The following CYP4A22 variants were observed in gnomAD, a reference collection of about 807,000 sequenced individuals.
The protein encoded by CYP4A22 is cytochrome P450 4A22.
In CYP4A22, 46 loss-of-function variants were observed where a neutral mutation model predicts 56.2. The ratio of observed to expected loss-of-function variants is 0.82; its 90% CI spans 0.65 to 1.05. CYP4A22 has a LOEUF of 1.05. CYP4A22 is among the 50% of genes least tolerant of loss of function. The pLI, the probability that CYP4A22 is intolerant of heterozygous loss-of-function variation, is 0.00. For missense variants in CYP4A22, 541 were observed against 645.9 expected (o/e 0.84, Z 1.76); for synonymous variants, 193 against 251.1 (o/e 0.77, Z 2.19).
chr1:47,138,706 A>G (rs1416261174), intron 1 of CYP4A22, among the ~76,000 whole-genome samples: 3 of 152,250 alleles, frequency 2.0e-5, no homozygotes, highest in African/African-American at 7.2e-5. Flanking sequence ...TTTTCTTCCA[A>G]TGTGGCCTAG....
rs558639742 is a variant in CYP4A22 at position 47,148,704 on chromosome 1, C to A, written c.1467C>A (p.Ile489=). The change falls in exon 12 of 12, where the codon ATC becomes ATA. Residue 489 remains isoleucine (I), a synonymous_variant. Coordinates refer to ENST00000371891, the MANE Select transcript of CYP4A22 (RefSeq NM_001010969.4). ...ELLPDPTRIP[I]PMARLVLKSK... ...TGCCTGATCCCACCAGGATCCCCAT[C>A]CCCATGGCACGACTTGTGTTGAAAT... The A allele has an allele frequency of 1.9e-5, 31 of 1,614,108 alleles. No homozygotes were observed. The East Asian group carries it at 5.6e-4, about 29-fold the overall frequency.
At position 47,147,348 on chromosome 1, in the gene CYP4A22, T is replaced by C. The variant is rs1448838147; in HGVS notation, c.1364+1195T>C. ...ATTTTACTCTCAGTGTATTTCATTC[T>C]ATTTTATTCATTTTAAAACTTAAAT... is the stretch of plus-strand genomic sequence containing the variant. On this transcript the variant is annotated intron_variant, in intron 11 of 11. Transcript: ENST00000371891. 18 of 984,938 alleles carry C rather than the reference T, an allele frequency of 1.8e-5. No homozygotes were observed. The South Asian group carries it at 6.6e-4, about 36-fold the overall frequency. 61.0% of individuals were successfully genotyped at this position (984,938 alleles called of 1,614,324 possible).
At chr1:47,146,652 G>C (rs1645079559) in intron 11 of CYP4A22, 2 of 1,000,078 alleles carry the variant, frequency 2.0e-6, no homozygotes, top group Non-Finnish European at 2.4e-6. Flanking sequence ...CAGATGACCT[G>C]CAAGTCCTAC....
chr1:47,140,749 A>G (rs754676770), intron 1 of CYP4A22, 31 bp from the exon 2 acceptor site: 27 of 1,612,868 alleles, frequency 1.7e-5, no homozygotes, highest in Non-Finnish European at 2.3e-5. Flanking sequence ...GAAGTAAATG[A>G]AAGTGTTCAT....
intron 5 of CYP4A22, 148 bp downstream of exon 5, chr1:47,143,541 A>T: frequency 1.4e-6 from 2 of 1,478,494 alleles, no homozygotes; most frequent in Middle Eastern, 4.8e-4. Flanking sequence ...TCCAGACCAA[A>T]CAAAGTCTCA....
intron 1 of CYP4A22, among the ~76,000 whole-genome samples, chr1:47,138,132 A>T (rs1362482377): frequency 6.6e-6 from 1 of 152,204 alleles, no homozygotes; most frequent in Non-Finnish European, 1.5e-5. Context: ...TCTGTGAAGA[A>T]TACAGGCAGG....
rs1393286366 is a variant in CYP4A22, at chr1:47,141,697, G to C, written c.382+82G>C. Reference sequence around the variant, plus strand: ...TTGGCTCACAGAGAACAACAGATTAGAGGCCACCACTATCATGACCTCATC... The same window carrying C: ...TTGGCTCACAGAGAACAACAGATTACAGGCCACCACTATCATGACCTCATC... On this transcript the variant is annotated intron_variant, in intron 3 of 11. Coordinates refer to ENST00000371891, the MANE Select transcript of CYP4A22 (RefSeq NM_001010969.4). 4 of 1,539,518 alleles carry C rather than the reference G, an allele frequency of 2.6e-6. No individual in the cohort carries two copies. In the Admixed American group the frequency reaches 5.2e-5, roughly 20 times the overall value.
In CYP4A22 at chr1:47,140,788, C is replaced by T. The variant is rs370585374; in HGVS notation, c.204C>T (p.His68=). 157 of 1,614,042 alleles carry T rather than the reference C, an allele frequency of 9.7e-5. No homozygotes were observed. The highest frequency in any genetic ancestry group is 1.2e-4 in the Non-Finnish European group (140 of 1,180,004). The change falls in exon 2 of 12, where the codon CAC becomes CAT. Residue 68 remains histidine, a synonymous_variant. Transcript: ENST00000371891. ...TCTACCCTCGTTGACAGTTCCAACACGACCAGGAGCTACAACGGATTCAGG... is the reference window on the plus strand; with the variant it reads ...TCTACCCTCGTTGACAGTTCCAACATGACCAGGAGCTACAACGGATTCAGG... ...WLFGHIQEFQ[H]DQELQRIQER...
At chr1:47,147,768 C>A (rs1645091636) in intron 11 of CYP4A22, among the ~76,000 whole-genome samples, 1 of 152,122 alleles carries the variant, frequency 6.6e-6, no homozygotes, top group South Asian at 2.1e-4. Flanking sequence ...AGGATGTGGG[C>A]TGGACAGGTA....
chr1:47,147,760 G>A (rs1369908719), intron 11 of CYP4A22, among the ~76,000 whole-genome samples: 2 of 152,218 alleles, frequency 1.3e-5, no homozygotes, highest in Non-Finnish European at 2.9e-5. Context: ...ACAGGGCTAG[G>A]ATGTGGGCTG....
At chr1:47,142,265 A>G in intron 4 of CYP4A22, 30 bp downstream of exon 4, 1 of 1,562,406 alleles carries the variant, frequency 6.4e-7, no homozygotes, top group Middle Eastern at 1.8e-4. Context: ...CTCTCCCCAC[A>G]CCCACTCACA....
chr1:47,147,082 G>C, intron 11 of CYP4A22: 1 of 985,414 alleles, frequency 1.0e-6, no homozygotes, highest in African/African-American at 1.7e-5. Flanking sequence ...ATACACACAG[G>C]CAAAAATGAT....
chr1:47,143,953 G>A, intron 6 of CYP4A22, 37 bp downstream of exon 6: 1 of 1,582,448 alleles, frequency 6.3e-7, no homozygotes, highest in Non-Finnish European at 8.6e-7. Flanking sequence ...GCCTTTCCCA[G>A]GCACAGTGAA....
intron 9 of CYP4A22, among the ~76,000 whole-genome samples, chr1:47,145,635 C>G (rs1192670926): frequency 6.6e-6 from 1 of 152,216 alleles, no homozygotes; most frequent in Non-Finnish European, 1.5e-5. Context: ...AAGAGTAATG[C>G]TCTGATTCTT....
At chr1:47,145,347 T>G (rs1384159348) in intron 9 of CYP4A22, among the ~76,000 whole-genome samples, 1 of 152,186 alleles carries the variant, frequency 6.6e-6, no homozygotes, top group African/African-American at 2.4e-5. Flanking sequence ...GTCCAGTCTC[T>G]GAGGAACCCT....
rs371605058 is a variant in CYP4A22 at position 47,144,771 on chromosome 1, T to C, written c.1088+31T>C. 964 of 1,611,796 alleles carry C rather than the reference T, an allele frequency of 6.0e-4. 7 individuals are homozygous for C. The East Asian group carries it at 0.013, about 22-fold the overall frequency. On this transcript the variant is annotated intron_variant, in intron 8 of 11. Coordinates refer to ENST00000371891, the MANE Select transcript of CYP4A22 (RefSeq NM_001010969.4). ...TGAGGGCTCAAAAGATGGGGTTCCC[T>C]GCCTTCTCCACAGGGGCCCCTGGTC... is the stretch of plus-strand genomic sequence containing the variant.
In CYP4A22 at chr1:47,143,804, C is replaced by G. The variant is rs775861962; in HGVS notation, c.678C>G (p.Ser226Arg). 6.2e-7 allele frequency: 1 copy of G among 1,613,918 alleles called. No homozygotes were observed. Among genetic ancestry groups the G allele is most frequent in the Admixed American group, 1.7e-5 (1 of 59,988 alleles). ...SYIQAISDLN[S>R]LVFCCMRNAF... ...TCCAGGCCATTAGTGACCTGAACAG[C>G]CTGGTTTTTTGCTGTATGAGGAATG... The change falls in exon 6 of 12, where the codon AGC becomes AGG. Residue 226 changes from serine to arginine, a missense_variant. By Grantham distance (110) the Ser-to-Arg change is moderately radical (BLOSUM62 -1). Transcript: ENST00000371891.
chr1:47,147,266 G>A (rs1367729743), intron 11 of CYP4A22: 8 of 985,378 alleles, frequency 8.1e-6, no homozygotes, highest in African/African-American at 7.0e-5. Context: ...AAATCATGTC[G>A]CTGCCACTAG....
At chr1:47,142,557 A>G (rs1645024369) in intron 4 of CYP4A22, among the ~76,000 whole-genome samples, 1 of 152,240 alleles carries the variant, frequency 6.6e-6, no homozygotes, top group African/African-American at 2.4e-5. Flanking sequence ...AGGACTTCCT[A>G]TGCTGGCTGG....
Sources: allele counts gnomAD v4.1 joint callset (sites outside exome capture counted in the v4.1 genomes callset), GRCh38; gene constraint gnomAD v4.1.1; transcripts MANE v1.5; gene names NCBI Gene and HGNC (gene_info 2026-07-23, HGNC 2026-07-21).